Variants in MAN1C1 observed in about 807,000 individuals in gnomAD.
MAN1C1 encodes mannosidase alpha class 1C member 1, also known as mannosyl-oligosaccharide 1,2-alpha-mannosidase IC.
A neutral mutation model predicts 71.5 loss-of-function variants in MAN1C1; 49 were observed. The observed-to-expected ratio is 0.69, with a 90% CI of 0.54 to 0.87. The LOEUF (loss-of-function observed/expected upper bound fraction) is 0.87. Ranked by LOEUF, MAN1C1 falls within the 40% of genes least tolerant of loss-of-function variation. MAN1C1 has a pLI of 0.00. For synonymous variants in MAN1C1, 352 were observed against 343.7 expected, an observed-to-expected ratio of 1.02 and a Z score of -0.27; for missense variants, 743 against 835.0, an observed-to-expected ratio of 0.89 and a Z score of 1.36.
chr1:25,721,747 C>A lies in MAN1C1; in HGVS notation c.638-24921C>A, dbSNP rs551610358. Among the ~76,000 whole-genome samples, 5 of 152,272 alleles carry A rather than the reference C, an allele frequency of 3.3e-5. No homozygotes were observed. In the South Asian group the frequency reaches 6.2e-4, roughly 19 times the overall value. On this transcript the variant is annotated intron_variant, in intron 2 of 11. Transcript: ENST00000374332. ...TACTTCCTTCTTTCTAATATGGATG[C>A]CTTTTATTTCTCTCTCTTGCCCAGT... is the stretch of plus-strand genomic sequence containing the variant.
chr1:25,761,371 T>A (rs1257097172), intron 6 of MAN1C1: 1 of 152,142 alleles, frequency 6.6e-6, no homozygotes, highest in Non-Finnish European at 1.5e-5. Flanking sequence ...ATATTGGACC[T>A]TTTTTTGATT....
intron 1 of MAN1C1, among the ~76,000 whole-genome samples, chr1:25,679,950 AATATAT>A (rs71576063): frequency 0.016 from 1,920 of 117,054 alleles, 41 homozygotes; most frequent in Non-Finnish European, 0.024. Context: ...AAAAAAAAAA[AATATAT>A]ATATATATAT....
intron 1 of MAN1C1, among the ~76,000 whole-genome samples, chr1:25,661,425 T>C (rs1198674561): frequency 6.6e-6 from 1 of 152,234 alleles, no homozygotes; most frequent in African/African-American, 2.4e-5. Context: ...AAAATAAATA[T>C]GTTAACGGCA....
At chr1:25,723,831 T>C (rs1259190660) in intron 2 of MAN1C1, among the ~76,000 whole-genome samples, 1 of 152,132 alleles carries the variant, frequency 6.6e-6, no homozygotes, top group East Asian at 1.9e-4. Flanking sequence ...CTGTTCTAAG[T>C]GGTGCTTGGA....
chr1:25,661,688 G>A (rs1036508047), intron 1 of MAN1C1, among the ~76,000 whole-genome samples: 2 of 152,182 alleles, frequency 1.3e-5, no homozygotes, highest in African/African-American at 2.4e-5. Flanking sequence ...AGTTTTATTA[G>A]AGTTCGTGAA....
chr1:25,647,434 G>A (rs1317713030), intron 1 of MAN1C1, among the ~76,000 whole-genome samples: 1 of 152,158 alleles, frequency 6.6e-6, no homozygotes, highest in East Asian at 1.9e-4. Flanking sequence ...AGGAAGAGGT[G>A]GGTCCAAGCC....
At position 25,711,809 on chromosome 1, in the gene MAN1C1, G is replaced by A. The variant is rs76872677; in HGVS notation, c.637+25273G>A. Among the ~76,000 whole-genome samples, 1,465 of 152,262 alleles carry A rather than the reference G, an allele frequency of 9.6e-3. 16 individuals carry two copies. The highest frequency in any genetic ancestry group is 0.032 in the African/African-American group (1,348 of 41,536). On this transcript the variant is annotated intron_variant, in intron 2 of 11. Transcript: ENST00000374332. The surrounding 1 kb of genome is among the most constrained non-coding windows in gnomAD (Gnocchi z 4.3). Reference sequence around the variant, plus strand: ...GCCGTGCTGTCCTGTGTGTGAAAGAGGATACTTTCTTTATTTTACTAAAAG... The same window carrying A: ...GCCGTGCTGTCCTGTGTGTGAAAGAAGATACTTTCTTTATTTTACTAAAAG...
At chr1:25,732,006 G>C (rs2046915530) in intron 2 of MAN1C1, among the ~76,000 whole-genome samples, 1 of 152,154 alleles carries the variant, frequency 6.6e-6, no homozygotes, top group African/African-American at 2.4e-5. Flanking sequence ...CAGAGAAAAA[G>C]ACCAACTCAG....
At chr1:25,650,326 T>A (rs2045674202) in intron 1 of MAN1C1, among the ~76,000 whole-genome samples, 1 of 152,352 alleles carries the variant, frequency 6.6e-6, no homozygotes, top group East Asian at 1.9e-4. Flanking sequence ...CCTTAATGAA[T>A]GTGTGTAAAT....
At chr1:25,747,022 A>T (rs2047139090) in intron 3 of MAN1C1, among the ~76,000 whole-genome samples, 1 of 152,180 alleles carries the variant, frequency 6.6e-6, no homozygotes, top group South Asian at 2.1e-4. Context: ...GGACACAGCC[A>T]CGACCATCCA....
Position 25,679,962 on chromosome 1 carries a change from T to A in MAN1C1, c.541-6478T>A, listed in dbSNP as rs1299598699. On this transcript the variant is annotated intron_variant, in intron 1 of 11. Coordinates refer to ENST00000374332, the MANE Select transcript of MAN1C1 (RefSeq NM_020379.4). The stretch of plus-strand genomic sequence containing the variant: ...CAAAAAAAAAAAAAATATATATATA[T>A]ATATATATATATATATACACACACA... Among the ~76,000 whole-genome samples the A allele has an allele frequency of 1.4e-3, 196 of 140,256 alleles. 2 individuals are homozygous for A. The highest frequency in any genetic ancestry group is 2.7e-3 in the African/African-American group (101 of 37,852). 92.0% of individuals were successfully genotyped at this position (140,256 alleles called of 152,430 possible). A position where few individuals can be genotyped will look rare whatever the true frequency, so the allele number is the denominator to read the frequency against.
At chr1:25,682,812 C>G (rs2046173003) in intron 1 of MAN1C1, among the ~76,000 whole-genome samples, 1 of 152,002 alleles carries the variant, frequency 6.6e-6, no homozygotes, top group Non-Finnish European at 1.5e-5. Context: ...CCGAGGCGGG[C>G]AAATCACTTG....
rs375414506 is a variant in MAN1C1 at position 25,768,079 on chromosome 1, C to CG, written c.1142-3578_1142-3577insG. Among the ~76,000 whole-genome samples the CG allele has an allele frequency of 2.1e-4, 20 of 97,410 alleles. 1 individual carries two copies. Among genetic ancestry groups the CG allele is most frequent in the African/African-American group, 1.1e-3 (20 of 18,400 alleles). 63.9% of individuals were successfully genotyped at this position (97,410 alleles called of 152,430 possible). A position where few individuals can be genotyped will look rare whatever the true frequency, so the allele number is the denominator to read the frequency against. On this transcript the variant is annotated intron_variant, in intron 7 of 11. Coordinates refer to ENST00000374332, the MANE Select transcript of MAN1C1 (RefSeq NM_020379.4). The stretch of plus-strand genomic sequence containing the variant: ...TCCCCTCACACACACACACACTCCC[C>CG]CCCACACACAGACCCACACACCCCT...
At chr1:25,655,850 G>A (rs1004276378) in intron 1 of MAN1C1, among the ~76,000 whole-genome samples, 1 of 152,106 alleles carries the variant, frequency 6.6e-6, no homozygotes, top group African/African-American at 2.4e-5. Context: ...CATTTCTCTT[G>A]TTGCAGTTTG....
intron 11 of MAN1C1, 34 bp from the exon 12 acceptor site, chr1:25,783,629 T>G (rs747074930): frequency 6.2e-7 from 1 of 1,605,246 alleles, no homozygotes; most frequent in Admixed American, 1.7e-5. Context: ...ACTGACAGAC[T>G]GTGTCTTGCT....
At chr1:25,686,814 A>C (rs1266358446) in intron 2 of MAN1C1, among the ~76,000 whole-genome samples, 2 of 152,208 alleles carry the variant, frequency 1.3e-5, no homozygotes, top group Non-Finnish European at 2.9e-5. Flanking sequence ...AAATGGGAGT[A>C]GGGATAGTGA....
At chr1:25,647,468 G>A (rs1232758210) in intron 1 of MAN1C1, among the ~76,000 whole-genome samples, 2 of 152,148 alleles carry the variant, frequency 1.3e-5, no homozygotes, top group South Asian at 2.1e-4. Context: ...AGGCTGATAT[G>A]TGATGGCGCT....
At position 25,617,795 on chromosome 1, in the gene MAN1C1, A is replaced by G; in HGVS notation, c.-3A>G. On this transcript the variant is annotated 5_prime_UTR_variant, in exon 1 of 12. Transcript: ENST00000374332. The surrounding 1 kb of genome is among the most constrained non-coding windows in gnomAD (Gnocchi z 5.1). ...GGCTTCTGGAGCCACCGGCCGGGCC[A>G]CGATGCTCATGAGGAAAGTGCCCGG... 1.3e-6 allele frequency: 2 copies of G among 1,589,488 alleles called. No individual in the cohort carries two copies. Among genetic ancestry groups the G allele is most frequent in the Non-Finnish European group, 1.7e-6 (2 of 1,170,958 alleles).
intron 2 of MAN1C1, among the ~76,000 whole-genome samples, chr1:25,699,734 G>A (rs755733987): frequency 6.6e-6 from 1 of 152,226 alleles, no homozygotes; most frequent in South Asian, 2.1e-4. Flanking sequence ...ACAGCCTGGT[G>A]CAGCCAGGCA....
Sources: gnomAD v4.1 joint callset for allele counts (sites outside exome capture counted in the v4.1 genomes callset) on GRCh38, gnomAD v4.1.1 for gene constraint, Gnocchi (gnomAD v3.1) non-coding constraint, MANE v1.5 for transcripts, NCBI Gene and HGNC (gene_info 2026-07-23, HGNC 2026-07-21) for gene names.